Variants in RPS6KC1 observed in about 807,000 individuals in gnomAD.
RPS6KC1 encodes the protein inactive ribosomal protein S6 kinase delta-1.
Under a neutral mutation model 103.8 loss-of-function variants are expected in RPS6KC1, and 54 were observed. The ratio of observed to expected loss-of-function variants is 0.52; its 90% CI spans 0.42 to 0.65. RPS6KC1 has a LOEUF of 0.65. RPS6KC1 is among the 30% of genes least tolerant of loss of function. The pLI, the probability that RPS6KC1 is intolerant of heterozygous loss-of-function variation, is 0.00. For synonymous variants in RPS6KC1, 439 were observed against 438.7 expected (o/e 1.00, Z -0.01); for missense variants, 1,151 against 1,253.8 (o/e 0.92, Z 1.24).
At chr1:213,068,510 GAAAC>G (rs1488532388) in intron 1 of RPS6KC1, among the ~76,000 whole-genome samples, 1 of 84,438 alleles carries the variant, frequency 1.2e-5, no homozygotes, top group Non-Finnish European at 2.5e-5. Flanking sequence ...AAAAAAAAAA[GAAAC>G]ACTTATAAGA....
At chr1:213,368,338 G>A in the RPS6KC1 span, among the ~76,000 whole-genome samples, 2 of 152,190 alleles carry the variant, frequency 1.3e-5, no homozygotes, top group Non-Finnish European at 2.9e-5. Flanking sequence ...GATCTCTGAT[G>A]ACTGTGGAGC....
At chr1:213,656,263 C>T in the RPS6KC1 span, among the ~76,000 whole-genome samples, 16 of 152,134 alleles carry the variant, frequency 1.1e-4, no homozygotes, top group Middle Eastern at 3.4e-3. Flanking sequence ...CAGCACCAGG[C>T]GAATAATTTT....
the RPS6KC1 span, among the ~76,000 whole-genome samples, chr1:213,714,463 G>T: frequency 6.6e-6 from 1 of 152,182 alleles, no homozygotes; most frequent in Admixed American, 6.5e-5. Flanking sequence ...TCGTTTATAC[G>T]TAGGAGTGAA....
chr1:213,415,065 C>T, the RPS6KC1 span, among the ~76,000 whole-genome samples: 1 of 152,214 alleles, frequency 6.6e-6, no homozygotes, highest in Admixed American at 6.5e-5. Flanking sequence ...ATTGCTTAAT[C>T]AGCGAGTCAT....
the RPS6KC1 span, among the ~76,000 whole-genome samples, chr1:213,589,695 A>G: frequency 6.6e-6 from 1 of 151,968 alleles, no homozygotes; most frequent in South Asian, 2.1e-4. Flanking sequence ...CATGCCTGAA[A>G]TCCAGGTCTC....
the RPS6KC1 span, among the ~76,000 whole-genome samples, chr1:213,372,875 A>G: frequency 6.6e-6 from 1 of 151,978 alleles, no homozygotes; most frequent in Non-Finnish European, 1.5e-5. Context: ...AAATACATAC[A>G]TATTTAATAT....
chr1:213,345,479 A>G, the RPS6KC1 span, among the ~76,000 whole-genome samples: 1 of 152,242 alleles, frequency 6.6e-6, no homozygotes, highest in African/African-American at 2.4e-5. Flanking sequence ...GATGTTACGA[A>G]TGAAAAAATT....
the RPS6KC1 span, among the ~76,000 whole-genome samples, chr1:213,371,503 T>C: frequency 3.3e-5 from 5 of 152,208 alleles, no homozygotes; most frequent in Non-Finnish European, 7.3e-5. Context: ...GTTGAATATT[T>C]TGAGAAATTG....
the RPS6KC1 span, among the ~76,000 whole-genome samples, chr1:213,808,482 T>C: frequency 6.6e-6 from 1 of 152,354 alleles, no homozygotes; most frequent in East Asian, 1.9e-4. Context: ...GCCTGGGCAA[T>C]GGTGGGTGCC....
chr1:213,529,958 CT>C, the RPS6KC1 span, among the ~76,000 whole-genome samples: 11 of 152,202 alleles, frequency 7.2e-5, no homozygotes, highest in Non-Finnish European at 1.3e-4. Context: ...CCTCTTAGAG[CT>C]TTGGGGGCCC....
the RPS6KC1 span, among the ~76,000 whole-genome samples, chr1:213,786,887 C>T: frequency 2.7e-4 from 41 of 152,140 alleles, no homozygotes; most frequent in Non-Finnish European, 2.9e-4. Context: ...CATCAGGTAG[C>T]TTCTCAAAGA....
At chr1:213,741,792 C>T in the RPS6KC1 span, among the ~76,000 whole-genome samples, 12 of 151,662 alleles carry the variant, frequency 7.9e-5, no homozygotes, top group Admixed American at 6.6e-5. Flanking sequence ...CTCTGAGGGT[C>T]GGGGTGGGAA....
chr1:213,765,903 A>G, the RPS6KC1 span, among the ~76,000 whole-genome samples: 1 of 152,140 alleles, frequency 6.6e-6, no homozygotes, highest in African/African-American at 2.4e-5. Context: ...ATTAATTTAA[A>G]CCAAGTGATG....
chr1:213,184,619 T>C (rs1311439828), intron 8 of RPS6KC1, among the ~76,000 whole-genome samples: 7 of 152,170 alleles, frequency 4.6e-5, no homozygotes, highest in Non-Finnish European at 1.0e-4. Flanking sequence ...TTAAAAAAAT[T>C]GGGCATTTAT....
intron 2 of RPS6KC1, among the ~76,000 whole-genome samples, chr1:213,073,510 T>A (rs1269618081): frequency 1.3e-5 from 2 of 152,204 alleles, no homozygotes; most frequent in Admixed American, 1.3e-4. Context: ...CACCCTTTTT[T>A]AAACAAATTA....
intron 2 of RPS6KC1, among the ~76,000 whole-genome samples, chr1:213,073,415 A>G (rs2148486217): frequency 6.6e-6 from 1 of 152,340 alleles, no homozygotes; most frequent in South Asian, 2.1e-4. Context: ...AGAATGCTAA[A>G]AGATCTGTGG....
At chr1:213,636,412 C>A in the RPS6KC1 span, among the ~76,000 whole-genome samples, 1 of 152,266 alleles carries the variant, frequency 6.6e-6, no homozygotes, top group East Asian at 1.9e-4. Context: ...GGTACCAAAA[C>A]AGTATATATA....
the RPS6KC1 span, among the ~76,000 whole-genome samples, chr1:213,620,960 G>A: frequency 6.6e-6 from 1 of 152,164 alleles, no homozygotes; most frequent in East Asian, 1.9e-4. Context: ...CAACACATGT[G>A]TTGAATAGCA....
At chr1:213,286,037 G>A in the RPS6KC1 span, among the ~76,000 whole-genome samples, 2 of 152,300 alleles carry the variant, frequency 1.3e-5, no homozygotes, top group East Asian at 1.9e-4. Context: ...GGACAAAACA[G>A]ATAATATTGG....
Sources: gnomAD v4.1 joint callset for allele counts (sites outside exome capture counted in the v4.1 genomes callset) on GRCh38, gnomAD v4.1.1 for gene constraint, MANE v1.5 for transcripts, NCBI Gene and HGNC (gene_info 2026-07-23, HGNC 2026-07-21) for gene names.